Variants in FYN observed in about 807,000 individuals in gnomAD.
The protein encoded by FYN is tyrosine-protein kinase Fyn.
Under a neutral mutation model 70.2 loss-of-function variants are expected in FYN, and 10 were observed. That is an observed-to-expected ratio of 0.14 (90% CI 0.09 to 0.24). The LOEUF (loss-of-function observed/expected upper bound fraction) is 0.24. Ranked by LOEUF, FYN falls within the 10% of genes least tolerant of loss-of-function variation. The probability of loss-of-function intolerance (pLI) is 1.00; values close to 1 mark genes in which losing one functional copy is unlikely to be tolerated. For synonymous variants in FYN, 236 were observed against 248.6 expected (o/e 0.95, Z 0.48); for missense variants, 319 against 673.1 (o/e 0.47, Z 5.82).
At chr6:111,816,709 C>T (rs989343853) in intron 2 of FYN, among the ~76,000 whole-genome samples, 1 of 152,180 alleles carries the variant, frequency 6.6e-6, no homozygotes, top group African/African-American at 2.4e-5. Context: ...CATCATCTGA[C>T]ACTTCCAGTA....
At chr6:111,797,078 G>T (rs1771827141) in intron 2 of FYN, among the ~76,000 whole-genome samples, 1 of 152,004 alleles carries the variant, frequency 6.6e-6, no homozygotes, top group Non-Finnish European at 1.5e-5. Flanking sequence ...AGTTACTCAG[G>T]GATTTTCAGA....
Position 111,704,051 on chromosome 6 carries a change from G to T in FYN, c.495C>A (p.Ser165=). ...GAAAGGTACCTCTTGGGTTTCCAAA[G>T]GACAATAGCTGTCGCTCAGCATCTT... ...GRKDAERQLL[S]FGNPRGTFLI... Residue 165 remains serine, a synonymous_variant, in exon 7 of 14, where the codon TCC becomes TCA. Coordinates refer to ENST00000354650, the MANE Select transcript of FYN (RefSeq NM_002037.5). The T allele has an allele frequency of 6.2e-7, 1 of 1,614,174 alleles. No individual in the cohort carries two copies. Among genetic ancestry groups the T allele is most frequent in the Middle Eastern group, 1.6e-4 (1 of 6,062 alleles).
chr6:111,816,556 TTAG>T (rs1321468362), intron 2 of FYN, among the ~76,000 whole-genome samples: 1 of 152,198 alleles, frequency 6.6e-6, no homozygotes, highest in African/African-American at 2.4e-5. Flanking sequence ...TCACAATTTC[TTAG>T]TAGTTAAAAC....
In FYN at chr6:111,744,507, G is replaced by T. The variant is rs540993072; in HGVS notation, c.-11-24445C>A. ...CACTCAGCTGGAAAGATCTGTTTTT[G>T]CTGGAGATCGGAAGTGCTTTTCCAG... is the stretch of plus-strand genomic sequence containing the variant. On this transcript the variant is annotated intron_variant, in intron 3 of 13. Transcript: ENST00000354650. Among the ~76,000 whole-genome samples, 6 of 152,320 alleles carry T rather than the reference G, an allele frequency of 3.9e-5. No homozygotes were observed. The South Asian group carries it at 1.2e-3, about 32-fold the overall frequency.
intron 12 of FYN, among the ~76,000 whole-genome samples, chr6:111,678,959 G>A (rs7746279): frequency 0.43 from 64,555 of 151,828 alleles, 14,389 homozygotes; most frequent in Admixed American, 0.56. Context: ...TCTAGTCCTC[G>A]CTTGCTCAGC....
At chr6:111,830,029 A>T (rs1479651416) in intron 2 of FYN, among the ~76,000 whole-genome samples, 4 of 152,176 alleles carry the variant, frequency 2.6e-5, no homozygotes, top group African/African-American at 9.7e-5. Flanking sequence ...TAATTTTTTT[A>T]AAAAGTGTTT....
At chr6:111,794,219 A>T (rs1247506704) in intron 2 of FYN, among the ~76,000 whole-genome samples, 1 of 152,260 alleles carries the variant, frequency 6.6e-6, no homozygotes, top group Non-Finnish European at 1.5e-5. Flanking sequence ...GTTTTTGCAT[A>T]GACTTTTCGG....
chr6:111,741,563 GTT>G (rs953309067), intron 3 of FYN, among the ~76,000 whole-genome samples: 1 of 151,786 alleles, frequency 6.6e-6, no homozygotes, highest in African/African-American at 2.4e-5. Context: ...TAATAAACCA[GTT>G]TTTTTTCTTT....
intron 3 of FYN, among the ~76,000 whole-genome samples, chr6:111,769,925 C>T (rs1803382706): frequency 6.6e-6 from 1 of 152,066 alleles, no homozygotes; most frequent in Admixed American, 6.5e-5. Context: ...CCAAACCAAG[C>T]ATCTCTCTGT....
chr6:111,668,612 G>A (rs968626682), intron 13 of FYN, among the ~76,000 whole-genome samples: 8 of 151,930 alleles, frequency 5.3e-5, no homozygotes, highest in Admixed American at 3.9e-4. Flanking sequence ...CAGGACTGGG[G>A]GCCGAAAGTC....
chr6:111,737,487 T>A (rs972449068), intron 3 of FYN, among the ~76,000 whole-genome samples: 1 of 152,186 alleles, frequency 6.6e-6, no homozygotes, highest in African/African-American at 2.4e-5. Flanking sequence ...TTATAAAGGA[T>A]GTTTTAAAGG....
intron 13 of FYN, among the ~76,000 whole-genome samples, chr6:111,673,146 G>C (rs375017754): frequency 6.6e-6 from 1 of 151,988 alleles, no homozygotes; most frequent in East Asian, 1.9e-4. Flanking sequence ...TCACATCCTC[G>C]CCCTCCTGAG....
chr6:111,719,628 G>A (rs1800838310), intron 4 of FYN, 177 bp downstream of exon 4: 2 of 714,362 alleles, frequency 2.8e-6, no homozygotes, highest in African/African-American at 3.6e-5. Context: ...CAAGCATTTT[G>A]TTTGTACATC....
chr6:111,857,325 G>A (rs921829735), intron 1 of FYN, among the ~76,000 whole-genome samples: 1 of 152,142 alleles, frequency 6.6e-6, no homozygotes, highest in Admixed American at 6.5e-5. Flanking sequence ...CCTGAGGCCC[G>A]AAGGCAACTG....
intron 2 of FYN, among the ~76,000 whole-genome samples, chr6:111,829,878 G>A (rs1034454159): frequency 2.0e-5 from 3 of 152,198 alleles, no homozygotes; most frequent in African/African-American, 7.2e-5. Flanking sequence ...GAGAAGAACA[G>A]ATCACTGTCT....
At chr6:111,762,256 T>C (rs1803037797) in intron 3 of FYN, among the ~76,000 whole-genome samples, 1 of 152,130 alleles carries the variant, frequency 6.6e-6, no homozygotes, top group South Asian at 2.1e-4. Flanking sequence ...TGCATCTGGT[T>C]TTCTCAGTTC....
chr6:111,844,710 T>C (rs1773467702), intron 2 of FYN: 1 of 152,226 alleles, frequency 6.6e-6, no homozygotes, highest in Admixed American at 6.5e-5. Context: ...CACGGGTCAG[T>C]CACCCGTGTT....
intron 3 of FYN, among the ~76,000 whole-genome samples, chr6:111,728,027 G>A (rs1160789044): frequency 6.6e-6 from 1 of 152,190 alleles, no homozygotes; most frequent in African/African-American, 2.4e-5. Context: ...ATTTAAGACT[G>A]CAGTCAACTG....
chr6:111,733,872 G>A (rs1286272117), intron 3 of FYN, among the ~76,000 whole-genome samples: 1 of 152,188 alleles, frequency 6.6e-6, no homozygotes, highest in Non-Finnish European at 1.5e-5. Context: ...CGGAATACTT[G>A]AAGCCAGGAA....
Sources: gnomAD v4.1 joint callset for allele counts (sites outside exome capture counted in the v4.1 genomes callset) on GRCh38, gnomAD v4.1.1 for gene constraint, MANE v1.5 for transcripts, NCBI Gene and HGNC (gene_info 2026-07-23, HGNC 2026-07-21) for gene names.